SELENOV: variants seen among roughly 807,000 people sequenced by gnomAD.
SELENOV encodes the protein selenoprotein V.
SELENOV carries 25 observed loss-of-function variants against 21.6 expected under a neutral mutation model. The observed-to-expected ratio is 1.16, with a 90% CI of 0.84 to 1.62. The LOEUF (loss-of-function observed/expected upper bound fraction) is 1.62. SELENOV is among the 40% of genes most tolerant of loss of function. SELENOV has a pLI of 0.00. For missense variants in SELENOV, 472 were observed against 459.0 expected (o/e 1.03, Z -0.26); for synonymous variants, 227 against 216.9 (o/e 1.05, Z -0.41).
At position 39,515,842 on chromosome 19, in the gene SELENOV, C is replaced by T; in HGVS notation, c.630C>T (p.Thr210=). 6.4e-7 allele frequency: 1 copy of T among 1,551,796 alleles called. No homozygotes were observed. Among genetic ancestry groups the T allele is most frequent in the Middle Eastern group, 1.7e-4 (1 of 5,992 alleles). ...CACCCGGGCCCACCCTGGACTTCAC[C>T]TTCAGGGCAGACCCGTCGGCCATCG... The change falls in exon 1 of 6, where the codon ACC becomes ACT. Residue 210 remains threonine (T), a synonymous_variant. Transcript: ENST00000335426. The surrounding 1 kb of genome is among the most constrained non-coding windows in gnomAD (Gnocchi z 5.1).
rs375143934 is a variant in SELENOV at position 39,519,151 on chromosome 19, G to C, written c.*3G>C. Reference sequence around the variant, plus strand: ...ATGAGGAAATCAAGAAAAGGTAGCCGGCAAGGGGTGGAGCTGGAGGTGAGC... The same window carrying C: ...ATGAGGAAATCAAGAAAAGGTAGCCCGCAAGGGGTGGAGCTGGAGGTGAGC... On this transcript the variant is annotated 3_prime_UTR_variant, in exon 5 of 6. Coordinates refer to ENST00000335426, the Ensembl canonical transcript of SELENOV. 1.9e-6 allele frequency: 3 copies of C among 1,613,420 alleles called. No homozygotes were observed. The East Asian group carries it at 6.7e-5, about 36-fold the overall frequency.
chr19:39,515,817 C>T lies in SELENOV; in HGVS notation c.605C>T (p.Ser202Leu), dbSNP rs2079693724. The T allele has an allele frequency of 1.3e-6, 2 of 1,550,372 alleles. No individual in the cohort carries two copies. Among genetic ancestry groups the T allele is most frequent in the African/African-American group, 2.7e-5 (2 of 73,178 alleles). ...ACGCGCACCCCGCTGGCCGCGAACTCACCCGGGCCCACCCTGGACTTCACC... is the reference window on the plus strand; with the variant it reads ...ACGCGCACCCCGCTGGCCGCGAACTTACCCGGGCCCACCCTGGACTTCACC... Residue 202 changes from serine (S) to leucine (L), a missense_variant, in exon 1 of 6, where the codon TCA (serine) becomes TTA (leucine). Physicochemically the swap from Ser to Leu is moderately radical, Grantham distance 145 (BLOSUM62 -2). Transcript: ENST00000335426. This position sits in a 1 kb window ranked among gnomAD's most constrained non-coding sequence, Gnocchi z 5.1.
chr19:39,515,314 G>A lies in SELENOV; in HGVS notation c.102G>A (p.Pro34=). 6.4e-7 allele frequency: 1 copy of A among 1,551,114 alleles called. No homozygotes were observed. The highest frequency in any genetic ancestry group is 8.7e-7 in the Non-Finnish European group (1 of 1,146,816). ...GGACACCGACTCCACTCCGGACCCC[G>A]ACTCCGGTCCGGACTCGGACCCCCA... The change falls in exon 1 of 6, where the codon CCG becomes CCA. Residue 34 remains proline (P), a synonymous_variant. Transcript: ENST00000335426. This position sits in a 1 kb window ranked among gnomAD's most constrained non-coding sequence, Gnocchi z 5.1.
intron 1 of SELENOV, among the ~76,000 whole-genome samples, chr19:39,516,427 GTC>G (rs143879239): frequency 8.4e-4 from 125 of 149,440 alleles, no homozygotes; most frequent in Non-Finnish European, 1.3e-3. Context: ...CTGGCCCCTT[GTC>G]TCTCTCTCTC....
chr19:39,516,560 C>T (rs765625504), intron 1 of SELENOV, among the ~76,000 whole-genome samples: 1 of 152,140 alleles, frequency 6.6e-6, no homozygotes, highest in Non-Finnish European at 1.5e-5. Context: ...ACAGGTCTTG[C>T]TTTACTGCCC....
chr19:39,518,270 C>CA (rs2079708729), intron 1 of SELENOV, among the ~76,000 whole-genome samples: 1 of 124,552 alleles, frequency 8.0e-6, no homozygotes, highest in African/African-American at 3.3e-5. Flanking sequence ...GACTCCGTCT[C>CA]AAAAAAACAA....
intron 1 of SELENOV, among the ~76,000 whole-genome samples, chr19:39,517,309 T>C (rs1243706492): frequency 6.6e-6 from 1 of 152,134 alleles, no homozygotes; most frequent in Non-Finnish European, 1.5e-5. Flanking sequence ...ATTCGACAAC[T>C]ACTTCTTCAC....
At chr19:39,519,867 A>C (rs1247472813) in intron 5 of SELENOV, among the ~76,000 whole-genome samples, 5 of 146,652 alleles carry the variant, frequency 3.4e-5, no homozygotes, top group African/African-American at 1.3e-4. Context: ...CAGAAGGCTG[A>C]GGCAGGAGAA....
chr19:39,519,069 A>C lies in SELENOV; in HGVS notation c.964-2A>C, dbSNP rs768005347. ...TGTGTGCTTTCTTCCCTCTGTGCCC[A>C]GAGGGGTGATGGCTTTGTGAACGAG... is the stretch of plus-strand genomic sequence containing the variant. On this transcript the variant is annotated splice_acceptor_variant, in intron 4 of 5. Transcript: ENST00000335426. LOFTEE classifies it high-confidence loss of function. 1 of 1,613,808 alleles carries C rather than the reference A, an allele frequency of 6.2e-7. No homozygotes were observed. Among genetic ancestry groups the C allele is most frequent in the Non-Finnish European group, 8.5e-7 (1 of 1,179,830 alleles).
In SELENOV at chr19:39,515,354, C is replaced by G. The variant is rs2079689022; in HGVS notation, c.142C>G (p.Pro48Ala). ...TCGGACCCCCATCCGGACCCTGACT[C>G]CAGTCCTGACTCCGTCTCCAGCCGG... Residue 48 changes from proline to alanine, a missense_variant, in exon 1 of 6, where the codon CCA becomes GCA. Transcript: ENST00000335426. This position sits in a 1 kb window ranked among gnomAD's most constrained non-coding sequence, Gnocchi z 5.1. 6.4e-7 allele frequency: 1 copy of G among 1,551,504 alleles called. No homozygotes were observed. Among genetic ancestry groups the G allele is most frequent in the Non-Finnish European group, 8.7e-7 (1 of 1,146,924 alleles).
At chr19:39,518,715 C>T in intron 2 of SELENOV, 25 bp from the exon 3 acceptor site, 1 of 1,613,690 alleles carries the variant, frequency 6.2e-7, no homozygotes, top group Non-Finnish European at 8.5e-7. Context: ...CCCTGCAACC[C>T]CATGACCCCA....
rs56157115 is a variant in SELENOV, at chr19:39,517,964, C to CAAAAAAA, written c.810-623_810-617dup. On this transcript the variant is annotated intron_variant, in intron 1 of 5. Transcript: ENST00000335426. ...TGGGCGACAGAGCAAGACTCTGTCT[C>CAAAAAAA]AAAAAAAAAAAAAAAAAAAAAAAAA... Among the ~76,000 whole-genome samples, 108 of 12,370 alleles carry CAAAAAAA rather than the reference C, an allele frequency of 8.7e-3. 29 individuals carry two copies. Among genetic ancestry groups the CAAAAAAA allele is most frequent in the African/African-American group, 0.026 (85 of 3,256 alleles). 8.1% of individuals were successfully genotyped at this position (12,370 alleles called of 152,430 possible).
chr19:39,520,029 T>A (rs1461778565), intron 5 of SELENOV, 117 bp from the exon 6 acceptor site: 6 of 151,178 alleles, frequency 4.0e-5, no homozygotes. Context: ...GGCATTGTAG[T>A]CCATGGAAAC....
intron 1 of SELENOV, 93 bp downstream of exon 1, chr19:39,516,114 A>G (rs2079696072): frequency 1.8e-6 from 2 of 1,128,858 alleles, no homozygotes; most frequent in Non-Finnish European, 2.6e-6. Context: ...GGGTTGGGGT[A>G]GGGCGAGGGG....
At chr19:39,517,581 G>A (rs905959953) in intron 1 of SELENOV, among the ~76,000 whole-genome samples, 1 of 152,138 alleles carries the variant, frequency 6.6e-6, no homozygotes, top group African/African-American at 2.4e-5. Context: ...GAAGGAAGGA[G>A]AGAAGGAGTT....
At chr19:39,516,549 G>A (rs2079697960) in intron 1 of SELENOV, among the ~76,000 whole-genome samples, 1 of 151,896 alleles carries the variant, frequency 6.6e-6, no homozygotes, top group Admixed American at 6.6e-5. Flanking sequence ...TTGTGTTTCG[G>A]ACAGGTCTTG....
intron 1 of SELENOV, 49 bp downstream of exon 1, chr19:39,516,070 A>G (rs2144773007): frequency 1.3e-6 from 2 of 1,507,156 alleles, no homozygotes; most frequent in Non-Finnish European, 1.8e-6. Flanking sequence ...CAGGGCCGGC[A>G]GTGGGGGCTG....
chr19:39,515,808 C>A lies in SELENOV; in HGVS notation c.596C>A (p.Ala199Asp). The A allele has an allele frequency of 6.5e-7, 1 of 1,549,970 alleles. No homozygotes were observed. Among genetic ancestry groups the A allele is most frequent in the Non-Finnish European group, 8.7e-7 (1 of 1,146,556 alleles). The change falls in exon 1 of 6, where the codon GCC (alanine) becomes GAC (aspartate). Residue 199 changes from alanine (A) to aspartate (D), a missense_variant. By Grantham distance (126) the Ala-to-Asp change is moderately radical. Transcript: ENST00000335426. The surrounding 1 kb of genome is among the most constrained non-coding windows in gnomAD (Gnocchi z 5.1). Reference sequence around the variant, plus strand: ...CCCCTTCCCACGCGCACCCCGCTGGCCGCGAACTCACCCGGGCCCACCCTG... The same window carrying A: ...CCCCTTCCCACGCGCACCCCGCTGGACGCGAACTCACCCGGGCCCACCCTG...
chr19:39,519,031 G>A (rs755019484), intron 4 of SELENOV, 40 bp from the exon 5 acceptor site: 2 of 1,613,000 alleles, frequency 1.2e-6, no homozygotes, highest in South Asian at 2.2e-5. Flanking sequence ...TGAGGTCCTG[G>A]GGGTGGGAGA....
Sources: gnomAD v4.1 joint callset for allele counts (sites outside exome capture counted in the v4.1 genomes callset) on GRCh38, gnomAD v4.1.1 for gene constraint, Gnocchi (gnomAD v3.1) non-coding constraint, MANE v1.5 for transcripts, NCBI Gene and HGNC (gene_info 2026-07-23, HGNC 2026-07-21) for gene names.